Variants in CST8 observed in about 807,000 individuals in gnomAD.
CST8 encodes the protein cystatin 8.
In CST8, 20 loss-of-function variants were observed where a neutral mutation model predicts 11.8. The ratio of observed to expected loss-of-function variants is 1.70; its 90% CI spans 1.20 to 2.47. CST8 has a LOEUF of 2.47. Ranked by LOEUF, CST8 falls within the 30% of genes most tolerant of loss-of-function variation. CST8 has a pLI of 0.00. For missense variants in CST8, 196 were observed against 167.2 expected, an observed-to-expected ratio of 1.17 and a Z score of -0.95; for synonymous variants, 77 against 63.1, an observed-to-expected ratio of 1.22 and a Z score of -1.05.
chr20:23,497,709 C>A (rs562451596), downstream of CST8, among the ~76,000 whole-genome samples: 146 of 152,296 alleles, frequency 9.6e-4, no homozygotes, highest in South Asian at 1.7e-3. Flanking sequence ...AGGCAGAGAG[C>A]TTGTGCAGGG....
At chr20:23,495,775 C>CTTTTTTTTTTTTTTTTTTGTTTTTTTTTT in intron 3 of CST8, 56 bp from the exon 4 acceptor site, 1 of 933,512 alleles carries the variant, frequency 1.1e-6, no homozygotes. Context: ...TTTTTCTTTT[C>CTTTTTTTTTTTTTTTTTTGTTTTTTTTTT]TTTTTTTTTT....
At chr20:23,505,366 G>T in the CST8 span, among the ~76,000 whole-genome samples, 1 of 151,974 alleles carries the variant, frequency 6.6e-6, no homozygotes, top group African/African-American at 2.4e-5. Flanking sequence ...GGATGGTCTG[G>T]ATCTCCTGAC....
chr20:23,493,881 G>A (rs762793703), intron 3 of CST8, among the ~76,000 whole-genome samples: 3 of 152,174 alleles, frequency 2.0e-5, no homozygotes, highest in Non-Finnish European at 4.4e-5. Flanking sequence ...GGTTCCACCG[G>A]CAGAGTTTCC....
the CST8 span, among the ~76,000 whole-genome samples, chr20:23,505,995 G>GT: frequency 0.035 from 5,200 of 147,272 alleles, 108 homozygotes; most frequent in South Asian, 0.044. Context: ...AAATCTCCTA[G>GT]TTTTTTTTTT....
chr20:23,499,850 G>A (rs1367218251), downstream of CST8, among the ~76,000 whole-genome samples: 5 of 152,174 alleles, frequency 3.3e-5, no homozygotes, highest in Admixed American at 6.5e-5. Flanking sequence ...TTTGTGTTGC[G>A]ATAAAAGTCT....
downstream of CST8, among the ~76,000 whole-genome samples, chr20:23,499,539 C>A (rs1203006377): frequency 6.6e-6 from 1 of 152,190 alleles, no homozygotes. Context: ...CTCTGAATGC[C>A]CAGTGCTGTC....
chr20:23,494,296 A>G (rs913124331), intron 3 of CST8, among the ~76,000 whole-genome samples: 3 of 152,200 alleles, frequency 2.0e-5, no homozygotes, highest in Admixed American at 6.5e-5. Context: ...AGAAAATATT[A>G]AAGTGCATTA....
At chr20:23,500,388 C>T (rs149671424), downstream of CST8, among the ~76,000 whole-genome samples, 39 of 152,234 alleles carry the variant, frequency 2.6e-4, no homozygotes, top group African/African-American at 8.7e-4. Context: ...TCTCAGAGGA[C>T]GTGAGTGCTG....
At chr20:23,497,274 C>T (rs150877170), downstream of CST8, among the ~76,000 whole-genome samples, 33 of 152,348 alleles carry the variant, frequency 2.2e-4, no homozygotes, top group African/African-American at 5.8e-4. Flanking sequence ...TGGCTTCAGC[C>T]GGTCCCTCTG....
downstream of CST8, among the ~76,000 whole-genome samples, chr20:23,497,987 ATG>A (rs11471783): frequency 1.4e-3 from 207 of 150,186 alleles, 1 homozygote; most frequent in South Asian, 2.7e-3. Flanking sequence ...ATGTGTGTGC[ATG>A]TGTGTGTGTG....
downstream of CST8, among the ~76,000 whole-genome samples, chr20:23,498,447 C>A (rs1310555987): frequency 6.6e-6 from 1 of 152,174 alleles, no homozygotes; most frequent in South Asian, 2.1e-4. Flanking sequence ...GTATTTCTGC[C>A]CCCAACAGGA....
At chr20:23,493,978 A>G (rs1987967545) in intron 3 of CST8, among the ~76,000 whole-genome samples, 1 of 152,188 alleles carries the variant, frequency 6.6e-6, no homozygotes, top group Non-Finnish European at 1.5e-5. Flanking sequence ...CCTTAGGATC[A>G]TTTTGAGAAC....
At chr20:23,493,371 A>T (rs1391639465) in intron 3 of CST8, among the ~76,000 whole-genome samples, 1 of 152,102 alleles carries the variant, frequency 6.6e-6, no homozygotes, top group African/African-American at 2.4e-5. Flanking sequence ...TAATCACCAA[A>T]AGCCTGTCCT....
At chr20:23,493,837 A>G (rs896096609) in intron 3 of CST8, among the ~76,000 whole-genome samples, 1 of 152,176 alleles carries the variant, frequency 6.6e-6, no homozygotes, top group African/African-American at 2.4e-5. Context: ...AGGCATCACA[A>G]TCACTTGGAG....
chr20:23,495,393 G>A (rs1334763646), intron 3 of CST8, among the ~76,000 whole-genome samples: 1 of 152,092 alleles, frequency 6.6e-6, no homozygotes, highest in East Asian at 1.9e-4. Context: ...TTCACAATGG[G>A]TGCACTAATT....
rs377151847 is a variant in CST8 at position 23,491,617 on chromosome 20, G to A, written c.-51G>A. On this transcript the variant is annotated 5_prime_UTR_variant, in exon 2 of 4. Coordinates refer to ENST00000246012, the MANE Select transcript of CST8 (RefSeq NM_005492.4). ...CCACCCCATCCTGCCCACAGCTCCA[G>A]CCCTGAGACGACGAGGAGGAGAGTC... 13 of 1,450,102 alleles carry A rather than the reference G, an allele frequency of 9.0e-6. No homozygotes were observed. The highest frequency in any genetic ancestry group is 1.3e-5 in the Non-Finnish European group (13 of 1,034,440). 89.8% of individuals were successfully genotyped at this position (1,450,102 alleles called of 1,614,324 possible). A position where few individuals can be genotyped will look rare whatever the true frequency, so the allele number is the denominator to read the frequency against.
the CST8 span, among the ~76,000 whole-genome samples, chr20:23,503,731 TCAA>T: frequency 6.6e-6 from 1 of 151,988 alleles, no homozygotes; most frequent in African/African-American, 2.4e-5. Flanking sequence ...CTGGAGGAAA[TCAA>T]CAAGGGCGGA....
chr20:23,495,822 C>A lies in CST8; in HGVS notation c.346-9C>A, dbSNP rs373305124. The stretch of plus-strand genomic sequence containing the variant: ...CTCTACTAATTTTTGTTGTTGTCAT[C>A]TTTTTCAGAAATTAAGCTGCAGCTT... On this transcript the variant is annotated splice_polypyrimidine_tract_variant and intron_variant, in intron 3 of 3. Transcript: ENST00000246012. 2.9e-6 allele frequency: 4 copies of A among 1,400,732 alleles called. No homozygotes were observed. The highest frequency in any genetic ancestry group is 1.7e-5 in the African/African-American group (1 of 59,244). The allele number at this position is 1,400,732 out of a possible 1,614,324, so 86.8% of individuals were successfully genotyped here. A position where few individuals can be genotyped will look rare whatever the true frequency, so the allele number is the denominator to read the frequency against.
In CST8 at chr20:23,495,989, T is replaced by G; in HGVS notation, c.*75T>G. On this transcript the variant is annotated 3_prime_UTR_variant, in exon 4 of 4. Transcript: ENST00000246012. Reference sequence around the variant, plus strand: ...AATGAAGCAATGGCAGGTGGGAGGCTCTTCCCAATGTGCTTTCTTCATGCA... The same window carrying G: ...AATGAAGCAATGGCAGGTGGGAGGCGCTTCCCAATGTGCTTTCTTCATGCA... 2 of 1,171,370 alleles carry G rather than the reference T, an allele frequency of 1.7e-6. No individual in the cohort carries two copies. The highest frequency in any genetic ancestry group is 1.3e-6 in the Non-Finnish European group (1 of 799,566). 72.6% of individuals were successfully genotyped at this position (1,171,370 alleles called of 1,614,324 possible). A position where few individuals can be genotyped will look rare whatever the true frequency, so the allele number is the denominator to read the frequency against.
Sources: gnomAD v4.1 joint callset for allele counts (sites outside exome capture counted in the v4.1 genomes callset) on GRCh38, gnomAD v4.1.1 for gene constraint, MANE v1.5 for transcripts, NCBI Gene and HGNC (gene_info 2026-07-23, HGNC 2026-07-21) for gene names.